Variants in PRDM10 observed in about 807,000 individuals in gnomAD.
PRDM10 encodes the protein PR domain zinc finger protein 10.
Under a neutral mutation model 133.1 loss-of-function variants are expected in PRDM10, and 65 were observed. That is an observed-to-expected ratio of 0.49 (90% CI 0.40 to 0.60). PRDM10 has a LOEUF of 0.60. PRDM10 is among the 20% of genes least tolerant of loss of function. The pLI is 0.00. For synonymous variants in PRDM10, 582 were observed against 580.4 expected, an observed-to-expected ratio of 1.00 and a Z score of -0.04; for missense variants, 1,137 against 1,507.1, an observed-to-expected ratio of 0.75 and a Z score of 4.07.
chr11:129,940,928 C>T (rs532916782), intron 7 of PRDM10, among the ~76,000 whole-genome samples: 2 of 152,258 alleles, frequency 1.3e-5, no homozygotes, highest in South Asian at 4.1e-4. Context: ...CTTTATAGTT[C>T]TATCTACTGG....
intron 4 of PRDM10, among the ~76,000 whole-genome samples, chr11:129,948,311 T>G (rs1267393980): frequency 6.6e-6 from 1 of 152,220 alleles, no homozygotes; most frequent in African/African-American, 2.4e-5. Context: ...CCATGTCCTA[T>G]TCAATAAATA....
At chr11:129,931,555 AT>A (rs1267239727) in intron 10 of PRDM10, among the ~76,000 whole-genome samples, 7 of 148,106 alleles carry the variant, frequency 4.7e-5, no homozygotes, top group Admixed American at 3.4e-4. Flanking sequence ...TTATTTATTT[AT>A]TTTTATTTTA....
Position 129,918,071 on chromosome 11 carries a change from C to A in PRDM10, c.2214+468G>T, listed in dbSNP as rs186369503. ...GCTTGAACCTGGGAGGGGGAGGTTG[C>A]AGTGAGCTGAGATCACGCCATTTCA... On this transcript the variant is annotated intron_variant, in intron 14 of 20. Coordinates refer to ENST00000360871, the MANE Select transcript of PRDM10 (RefSeq NM_199437.2). This position sits in a 1 kb window ranked among gnomAD's most constrained non-coding sequence, Gnocchi z 5.3. Among the ~76,000 whole-genome samples the A allele has an allele frequency of 6.6e-6, 1 of 152,154 alleles. No individual in the cohort carries two copies. The highest frequency in any genetic ancestry group is 6.5e-5 in the Admixed American group (1 of 15,290).
chr11:129,953,506 CT>C (rs1215332061), intron 4 of PRDM10, among the ~76,000 whole-genome samples: 6 of 152,110 alleles, frequency 3.9e-5, no homozygotes, highest in African/African-American at 1.4e-4. Flanking sequence ...GTTGGCCAGG[CT>C]GGTCTCGAAC....
intron 1 of PRDM10, among the ~76,000 whole-genome samples, chr11:129,982,414 C>A (rs993317798): frequency 6.6e-6 from 1 of 151,904 alleles, no homozygotes; most frequent in Non-Finnish European, 1.5e-5. Flanking sequence ...AGGTGCCCAC[C>A]ACCTCGCCTA....
In PRDM10 at chr11:129,923,196, T is replaced by A; in HGVS notation, c.2034+52A>T. On this transcript the variant is annotated intron_variant, in intron 13 of 20. Coordinates refer to ENST00000360871, the MANE Select transcript of PRDM10 (RefSeq NM_199437.2). This position sits in a 1 kb window ranked among gnomAD's most constrained non-coding sequence, Gnocchi z 4.4. ...GAACAGGCATTTACCCTCAGCTTGC[T>A]ATAATTCCAGTGGCCACGAGAACCA... The A allele has an allele frequency of 6.6e-7, 1 of 1,504,650 alleles. No individual in the cohort carries two copies. Among genetic ancestry groups the A allele is most frequent in the Non-Finnish European group, 8.9e-7 (1 of 1,122,362 alleles). 93.2% of individuals were successfully genotyped at this position (1,504,650 alleles called of 1,614,324 possible).
chr11:129,999,168 T>C (rs1042453244), intron 1 of PRDM10, among the ~76,000 whole-genome samples: 5 of 152,138 alleles, frequency 3.3e-5, no homozygotes, highest in African/African-American at 1.2e-4. Flanking sequence ...CAGATATTCC[T>C]AAGCAGTGAT....
intron 4 of PRDM10, among the ~76,000 whole-genome samples, chr11:129,953,671 T>C (rs1278522248): frequency 6.6e-6 from 1 of 152,102 alleles, no homozygotes; most frequent in Admixed American, 6.6e-5. Context: ...ATTTCATTGG[T>C]TTGGTTTTTA....
intron 1 of PRDM10, among the ~76,000 whole-genome samples, chr11:129,976,564 C>T (rs1937767648): frequency 6.6e-6 from 1 of 152,190 alleles, no homozygotes; most frequent in East Asian, 1.9e-4. Flanking sequence ...TAAGCTAGTG[C>T]TCTACTCCGA....
rs182456351 is a variant in PRDM10 at position 129,984,469 on chromosome 11, C to T, written c.-119+18253G>A. On this transcript the variant is annotated intron_variant, in intron 1 of 20. Transcript: ENST00000360871. The stretch of plus-strand genomic sequence containing the variant: ...CAGCACACACTGAAACTCTGCAGCG[C>T]GGCCTGCAGTCCAGCCCCACGGCCT... 5.8e-4 allele frequency among the ~76,000 whole-genome samples: 89 copies of T among 152,308 alleles called. No homozygotes were observed. In the East Asian group the frequency reaches 0.015, roughly 26 times the overall value.
intron 1 of PRDM10, among the ~76,000 whole-genome samples, chr11:129,961,758 TA>T (rs931523541): frequency 6.6e-6 from 1 of 152,124 alleles, no homozygotes; most frequent in African/African-American, 2.4e-5. Context: ...TGCTATGTTC[TA>T]AACACTCACT....
intron 4 of PRDM10, among the ~76,000 whole-genome samples, chr11:129,953,956 TA>T (rs1951645474): frequency 6.8e-6 from 1 of 147,976 alleles, no homozygotes; most frequent in Non-Finnish European, 1.5e-5. Flanking sequence ...ATGGAATCAA[TA>T]AGTATTTACA....
chr11:129,925,104 C>T lies in PRDM10; in HGVS notation c.1656G>A (p.Gly552=), dbSNP rs1950635895. The part of the protein sequence containing the change: ...DQHLRFHGRE[G]NCPLTCDLCN... ...AGAGATCACAGGTCAGTGGGCAGTT[C>T]CCCTCCCGCCCATGGAAGCGTAAGT... Residue 552 remains glycine, a synonymous_variant, in exon 12 of 21, where the codon GGG becomes GGA. Coordinates refer to ENST00000360871, the MANE Select transcript of PRDM10 (RefSeq NM_199437.2). 1 of 1,614,072 alleles carries T rather than the reference C, an allele frequency of 6.2e-7. No homozygotes were observed. The highest frequency in any genetic ancestry group is 1.3e-5 in the African/African-American group (1 of 74,924).
intron 1 of PRDM10, among the ~76,000 whole-genome samples, chr11:129,981,465 C>T (rs1439903730): frequency 6.6e-6 from 1 of 152,060 alleles, no homozygotes; most frequent in Non-Finnish European, 1.5e-5. Context: ...TGTAATCATA[C>T]TTTTTTTTCC....
At chr11:129,940,902 ATTTG>A (rs1951184870) in intron 7 of PRDM10, among the ~76,000 whole-genome samples, 1 of 152,018 alleles carries the variant, frequency 6.6e-6, no homozygotes, top group Non-Finnish European at 1.5e-5. Flanking sequence ...TTATATTCTT[ATTTG>A]TTTCTCTCCA....
chr11:129,994,528 C>T (rs2136001541), intron 1 of PRDM10, among the ~76,000 whole-genome samples: 1 of 150,898 alleles, frequency 6.6e-6, no homozygotes, highest in African/African-American at 2.4e-5. Flanking sequence ...ACCCCAGCTA[C>T]TCGGTTGGCT....
At chr11:129,981,200 T>C (rs1938092273) in intron 1 of PRDM10, among the ~76,000 whole-genome samples, 1 of 152,008 alleles carries the variant, frequency 6.6e-6, no homozygotes. Context: ...GTGATGAAAA[T>C]GTGTCAAAAT....
chr11:129,976,950 A>G (rs1591684236), intron 1 of PRDM10, among the ~76,000 whole-genome samples: 2 of 152,224 alleles, frequency 1.3e-5, no homozygotes, highest in Admixed American at 1.3e-4. Context: ...AAAAGATAAA[A>G]ATGACTAGTT....
At chr11:129,966,592 T>C (rs928983220) in intron 1 of PRDM10, among the ~76,000 whole-genome samples, 1 of 152,188 alleles carries the variant, frequency 6.6e-6, no homozygotes, top group African/African-American at 2.4e-5. Context: ...TAGCAGGGCA[T>C]AAATTTTATT....
Sources: gnomAD v4.1 joint callset for allele counts (sites outside exome capture counted in the v4.1 genomes callset) on GRCh38, gnomAD v4.1.1 for gene constraint, Gnocchi (gnomAD v3.1) non-coding constraint, MANE v1.5 for transcripts, NCBI Gene and HGNC (gene_info 2026-07-23, HGNC 2026-07-21) for gene names.